LRRC4C: variants seen among roughly 807,000 people sequenced by gnomAD.
The protein encoded by LRRC4C is leucine rich repeat containing 4C, also known as leucine-rich repeat-containing protein 4C.
LRRC4C carries 5 observed loss-of-function variants against 33.6 expected under a neutral mutation model. The observed-to-expected ratio is 0.15, with a 90% CI of 0.08 to 0.31. The LOEUF (loss-of-function observed/expected upper bound fraction) is 0.31, where lower values mean the gene tolerates loss of function less well. Ranked by LOEUF, LRRC4C falls within the 10% of genes least tolerant of loss-of-function variation. The pLI is 1.00. For missense variants in LRRC4C, 560 were observed against 796.7 expected, an observed-to-expected ratio of 0.70 and a Z score of 3.58; for synonymous variants, 329 against 302.0, an observed-to-expected ratio of 1.09 and a Z score of -0.93.
chr11:40,494,112 A>G (rs1200084438), intron 3 of LRRC4C, among the ~76,000 whole-genome samples: 1 of 152,006 alleles, frequency 6.6e-6, no homozygotes, highest in African/African-American at 2.4e-5. Context: ...TATTGCTACC[A>G]TCGTGGGGTT....
intron 1 of LRRC4C, among the ~76,000 whole-genome samples, chr11:41,387,125 T>A (rs983988221): frequency 6.6e-6 from 1 of 151,758 alleles, no homozygotes; most frequent in Non-Finnish European, 1.5e-5. Context: ...TGGGGTCAAA[T>A]GTCTTTATTA....
intron 4 of LRRC4C, among the ~76,000 whole-genome samples, chr11:40,272,310 C>A (rs773353413): frequency 3.4e-4 from 52 of 152,066 alleles, no homozygotes; most frequent in Non-Finnish European, 6.2e-4. Context: ...TAGACTCAAG[C>A]AATTAGGTAA....
chr11:40,627,211 A>T (rs1963025121), intron 3 of LRRC4C, among the ~76,000 whole-genome samples: 3 of 151,348 alleles, frequency 2.0e-5, no homozygotes, highest in Admixed American at 2.0e-4. Flanking sequence ...CAGTATGACT[A>T]CCTACCAATA....
At chr11:41,448,242 T>C (rs1955901167) in intron 1 of LRRC4C, among the ~76,000 whole-genome samples, 2 of 149,990 alleles carry the variant, frequency 1.3e-5, no homozygotes, top group Non-Finnish European at 3.0e-5. Context: ...CAGAAATATA[T>C]GTGGTGTCAT....
intron 3 of LRRC4C, among the ~76,000 whole-genome samples, chr11:40,644,123 TATAAC>T (rs1245762658): frequency 6.6e-6 from 1 of 152,174 alleles, no homozygotes; most frequent in Non-Finnish European, 1.5e-5. Flanking sequence ...ATTATGCACT[TATAAC>T]TAATAAATAA....
At chr11:41,014,785 G>C (rs752199166) in intron 1 of LRRC4C, among the ~76,000 whole-genome samples, 1 of 152,058 alleles carries the variant, frequency 6.6e-6, no homozygotes, top group Non-Finnish European at 1.5e-5. Context: ...CAGTCTCCTC[G>C]GTGGGACTTT....
rs1590276880 is a variant in LRRC4C at position 40,311,829 on chromosome 11, CA to C, written c.-176+7798del. Among the ~76,000 whole-genome samples, 4 of 151,270 alleles carry C rather than the reference CA, an allele frequency of 2.6e-5. No homozygotes were observed. In the East Asian group the frequency reaches 7.8e-4, roughly 30 times the overall value. On this transcript the variant is annotated intron_variant, in intron 4 of 6. Coordinates refer to ENST00000528697, the MANE Select transcript of LRRC4C (RefSeq NM_001258419.2). The stretch of plus-strand genomic sequence containing the variant: ...GTGTGGTAGCATGTGCCTGTAGTCC[CA>C]GCTACTTGGGAGGCTGAGGCAGGAG...
At position 40,394,294 on chromosome 11, in the gene LRRC4C, G is replaced by C. The variant is rs1949453054; in HGVS notation, c.-269-74573C>G. Among the ~76,000 whole-genome samples the C allele has an allele frequency of 2.0e-5, 3 of 152,140 alleles. No homozygotes were observed. In the South Asian group the frequency reaches 6.2e-4, roughly 31 times the overall value. On this transcript the variant is annotated intron_variant, in intron 3 of 6. Transcript: ENST00000528697. The stretch of plus-strand genomic sequence containing the variant: ...CACAGCTCTTGTTTGTATACACACA[G>C]TGAATCTTCCTGGCAGAATAACTTT...
intron 4 of LRRC4C, among the ~76,000 whole-genome samples, chr11:40,265,894 T>G (rs1248045893): frequency 6.6e-6 from 1 of 152,188 alleles, no homozygotes; most frequent in Non-Finnish European, 1.5e-5. Context: ...GAAGGAAGAA[T>G]TTGACAGATT....
intron 2 of LRRC4C, among the ~76,000 whole-genome samples, chr11:40,875,704 ACCTTTTTGGCT>A (rs1463505188): frequency 1.1e-4 from 16 of 152,058 alleles, no homozygotes; most frequent in Admixed American, 3.3e-4. Flanking sequence ...GCAGTCCCAA[ACCTTTTTGGCT>A]CCAGGGACCG....
intron 1 of LRRC4C, among the ~76,000 whole-genome samples, chr11:40,965,752 T>C (rs2136929339): frequency 6.6e-6 from 1 of 152,282 alleles, no homozygotes; most frequent in South Asian, 2.1e-4. Flanking sequence ...ACCAGGACCA[T>C]GCTGTTTTGG....
intron 1 of LRRC4C, among the ~76,000 whole-genome samples, chr11:41,154,472 A>C (rs1393717479): frequency 6.6e-6 from 1 of 152,156 alleles, no homozygotes; most frequent in Non-Finnish European, 1.5e-5. Flanking sequence ...TTTTCCTAAG[A>C]CATTGCACAG....
At chr11:40,769,878 C>T (rs555109993) in intron 2 of LRRC4C, among the ~76,000 whole-genome samples, 6 of 152,212 alleles carry the variant, frequency 3.9e-5, no homozygotes, top group Non-Finnish European at 8.8e-5. Flanking sequence ...TGAAACTACT[C>T]AAGTAAAACC....
chr11:40,571,244 C>T (rs751576871), intron 3 of LRRC4C, among the ~76,000 whole-genome samples: 13 of 152,186 alleles, frequency 8.5e-5, no homozygotes, highest in South Asian at 2.1e-4. Flanking sequence ...ACTAGGGTTC[C>T]GTGCTGTTTG....
intron 5 of LRRC4C, among the ~76,000 whole-genome samples, chr11:40,185,216 T>C (rs935396461): frequency 1.3e-5 from 2 of 152,208 alleles, no homozygotes; most frequent in Admixed American, 6.5e-5. Context: ...TTGTGTGTAT[T>C]CATTTATAAT....
intron 4 of LRRC4C, among the ~76,000 whole-genome samples, chr11:40,268,501 T>A (rs76775938): frequency 0.052 from 7,889 of 152,206 alleles, 668 homozygotes; most frequent in African/African-American, 0.18. Flanking sequence ...AAATTCATCA[T>A]GAATTTATAT....
At chr11:40,528,198 A>C (rs1956133471) in intron 3 of LRRC4C, among the ~76,000 whole-genome samples, 3 of 152,322 alleles carry the variant, frequency 2.0e-5, no homozygotes, top group South Asian at 4.1e-4. Context: ...ATCAAACTAA[A>C]AAGCTCTGCA....
At chr11:41,421,518 G>GT (rs1398756676) in intron 1 of LRRC4C, among the ~76,000 whole-genome samples, 3 of 152,082 alleles carry the variant, frequency 2.0e-5, no homozygotes, top group African/African-American at 7.2e-5. Context: ...TGGTGCTATT[G>GT]TTATAGCTCA....
At chr11:41,021,537 C>G (rs1855985501) in intron 1 of LRRC4C, among the ~76,000 whole-genome samples, 1 of 152,036 alleles carries the variant, frequency 6.6e-6, no homozygotes, top group South Asian at 2.1e-4. Context: ...GGTTAATACA[C>G]AAAACTCAAA....
Sources: allele counts gnomAD v4.1 joint callset (sites outside exome capture counted in the v4.1 genomes callset), GRCh38; gene constraint gnomAD v4.1.1; transcripts MANE v1.5; gene names NCBI Gene and HGNC (gene_info 2026-07-23, HGNC 2026-07-21).